The following TENM3 variants were observed in gnomAD, a reference collection of about 807,000 sequenced individuals.
TENM3 encodes the protein teneurin transmembrane protein 3, also known as teneurin-3.
A neutral mutation model predicts 255.1 loss-of-function variants in TENM3; 63 were observed. That is an observed-to-expected ratio of 0.25 (90% CI 0.20 to 0.30). The LOEUF (loss-of-function observed/expected upper bound fraction) is 0.30. TENM3 is among the 10% of genes least tolerant of loss of function. The pLI is 1.00. For missense variants in TENM3, 2,929 were observed against 3,461.1 expected (o/e 0.85, Z 3.86); for synonymous variants, 1,306 against 1,322.3 (o/e 0.99, Z 0.27).
At chr4:181,724,886 G>A in the TENM3 span, among the ~76,000 whole-genome samples, 1 of 152,158 alleles carries the variant, frequency 6.6e-6, no homozygotes, top group Admixed American at 6.6e-5. Context: ...TGTTCTGTCT[G>A]AGGGATAAAG....
At chr4:181,970,792 G>T in the TENM3 span, among the ~76,000 whole-genome samples, 3 of 152,058 alleles carry the variant, frequency 2.0e-5, no homozygotes, top group South Asian at 2.1e-4. Context: ...ATAATTCTGG[G>T]TTTGTTTCAT....
the TENM3 span, among the ~76,000 whole-genome samples, chr4:181,769,606 T>A: frequency 6.6e-6 from 1 of 152,220 alleles, no homozygotes; most frequent in Admixed American, 6.5e-5. Flanking sequence ...ACATTAAATA[T>A]CTACATAAAG....
intron 10 of TENM3, among the ~76,000 whole-genome samples, chr4:182,681,011 G>A (rs1015785376): frequency 2.6e-5 from 4 of 152,044 alleles, no homozygotes; most frequent in Admixed American, 6.5e-5. Flanking sequence ...AACTAACAGC[G>A]GACGGTTGAT....
At chr4:182,581,000 T>A (rs1020585488) in intron 3 of TENM3, among the ~76,000 whole-genome samples, 1 of 152,204 alleles carries the variant, frequency 6.6e-6, no homozygotes, top group Non-Finnish European at 1.5e-5. Context: ...AAATTATATA[T>A]TTAAGGTGTG....
At chr4:182,092,103 G>C in the TENM3 span, among the ~76,000 whole-genome samples, 1 of 152,164 alleles carries the variant, frequency 6.6e-6, no homozygotes, top group African/African-American at 2.4e-5. Context: ...ACTTTGGGAG[G>C]CCAAGGCGGG....
At chr4:182,342,396 T>C (rs1229508361) in intron 2 of TENM3, among the ~76,000 whole-genome samples, 1 of 152,042 alleles carries the variant, frequency 6.6e-6, no homozygotes, top group Non-Finnish European at 1.5e-5. Flanking sequence ...AGACCACATA[T>C]TGTGGATCTT....
At chr4:182,752,931 T>A (rs1762473178) in intron 20 of TENM3, among the ~76,000 whole-genome samples, 1 of 151,784 alleles carries the variant, frequency 6.6e-6, no homozygotes, top group African/African-American at 2.4e-5. Context: ...ATTGGATTAT[T>A]TCCTTACTGA....
At chr4:181,507,339 C>A in the TENM3 span, among the ~76,000 whole-genome samples, 3 of 152,314 alleles carry the variant, frequency 2.0e-5, no homozygotes, top group African/African-American at 7.2e-5. Context: ...AAACAGTAGA[C>A]AAGTCACACG....
the TENM3 span, among the ~76,000 whole-genome samples, chr4:181,487,386 C>T: frequency 6.6e-6 from 1 of 152,246 alleles, no homozygotes; most frequent in South Asian, 2.1e-4. Context: ...GGGTTATAAA[C>T]AATAGAAATT....
chr4:182,161,738 A>T (rs191464232), intron 1 of TENM3, among the ~76,000 whole-genome samples: 6 of 42,544 alleles, frequency 1.4e-4, no homozygotes, highest in African/African-American at 4.4e-4. Context: ...TATATACACA[A>T]ATATATGTGT....
chr4:182,746,078 G>A (rs559968212), intron 19 of TENM3, among the ~76,000 whole-genome samples: 4 of 152,190 alleles, frequency 2.6e-5, no homozygotes, highest in Admixed American at 6.5e-5. Flanking sequence ...ATCACTTACC[G>A]TGTGTTAGGC....
At chr4:182,313,388 A>G (rs1019783114) in intron 1 of TENM3, among the ~76,000 whole-genome samples, 1 of 152,004 alleles carries the variant, frequency 6.6e-6, no homozygotes, top group Non-Finnish European at 1.5e-5. Context: ...TTTTAAAACA[A>G]TAAGTTTTCT....
chr4:181,672,301 A>C, the TENM3 span, among the ~76,000 whole-genome samples: 1 of 152,224 alleles, frequency 6.6e-6, no homozygotes, highest in African/African-American at 2.4e-5. Flanking sequence ...CATATTTGGA[A>C]CTCTATAAAT....
intron 3 of TENM3, among the ~76,000 whole-genome samples, chr4:182,408,918 C>T (rs1169537459): frequency 1.3e-5 from 2 of 152,220 alleles, no homozygotes; most frequent in South Asian, 2.1e-4. Flanking sequence ...AGATGTGAAA[C>T]CTCAGGCATG....
At chr4:182,555,636 G>A (rs1742508825) in intron 3 of TENM3, among the ~76,000 whole-genome samples, 1 of 152,098 alleles carries the variant, frequency 6.6e-6, no homozygotes, top group Non-Finnish European at 1.5e-5. Context: ...TAAATACCAT[G>A]TCAAGAAAGA....
chr4:182,246,672 C>G (rs1235019036), intron 1 of TENM3, among the ~76,000 whole-genome samples: 1 of 152,040 alleles, frequency 6.6e-6, no homozygotes, highest in Non-Finnish European at 1.5e-5. Flanking sequence ...GCCAGAAAAG[C>G]TTGTGCCGTC....
At chr4:181,714,209 G>C in the TENM3 span, among the ~76,000 whole-genome samples, 1 of 152,286 alleles carries the variant, frequency 6.6e-6, no homozygotes, top group Non-Finnish European at 1.5e-5. Context: ...GCCAAAGCAG[G>C]GGGATCATTT....
intron 3 of TENM3, among the ~76,000 whole-genome samples, chr4:182,430,634 C>A (rs1021576129): frequency 1.3e-5 from 2 of 152,148 alleles, no homozygotes; most frequent in Non-Finnish European, 2.9e-5. Context: ...CCTGAAGGCA[C>A]GCTGCTCATG....
At chr4:182,027,396 A>G in the TENM3 span, among the ~76,000 whole-genome samples, 1 of 152,096 alleles carries the variant, frequency 6.6e-6, no homozygotes, top group Non-Finnish European at 1.5e-5. Context: ...GTTTTTCCAA[A>G]TATAAAATCA....
Sources: gnomAD v4.1 joint callset for allele counts (sites outside exome capture counted in the v4.1 genomes callset) on GRCh38, gnomAD v4.1.1 for gene constraint, MANE v1.5 for transcripts, NCBI Gene and HGNC (gene_info 2026-07-23, HGNC 2026-07-21) for gene names.